WNT7B: variants seen among roughly 807,000 people sequenced by gnomAD.
WNT7B encodes the protein Wnt family member 7B.
In WNT7B, 19 loss-of-function variants were observed where a neutral mutation model predicts 38.2. That is an observed-to-expected ratio of 0.50 (90% confidence interval 0.35 to 0.73). The LOEUF (loss-of-function observed/expected upper bound fraction) is 0.73. Among genes scored for constraint, WNT7B ranks in the 30% least tolerant of loss-of-function variants. WNT7B has a pLI of 0.01. For missense variants in WNT7B, 423 were observed against 507.9 expected, an observed-to-expected ratio of 0.83 and a Z score of 1.61; for synonymous variants, 243 against 209.3, an observed-to-expected ratio of 1.16 and a Z score of -1.39.
chr22:45,941,006 T>G (rs1442976339), intron 2 of WNT7B, among the ~76,000 whole-genome samples: 1 of 152,192 alleles, frequency 6.6e-6, no homozygotes, highest in African/African-American at 2.4e-5. Flanking sequence ...GACTTTGTTC[T>G]GAAAAGATGG....
chr22:45,964,483 G>A (rs906347806), intron 1 of WNT7B, among the ~76,000 whole-genome samples: 5 of 152,166 alleles, frequency 3.3e-5, no homozygotes, highest in South Asian at 2.1e-4. Context: ...TGGAGATGGC[G>A]GAGTGATGAA....
chr22:45,972,666 G>T (rs1484262516), intron 1 of WNT7B: 2 of 152,284 alleles, frequency 1.3e-5, no homozygotes, highest in African/African-American at 4.8e-5. Flanking sequence ...CGGAGCGTGC[G>T]GTGGGAGCCG....
Position 45,922,706 on chromosome 22 carries a change from C to T in WNT7B, c.*150G>A. On this transcript the variant is annotated 3_prime_UTR_variant, in exon 4 of 4. Transcript: ENST00000339464. ...CAGGGAGGCGGGCAGAGGGCGTGGGCCCCGGCCGGTGCCCTCCTGCACCTG... is the reference window on the plus strand; with the variant it reads ...CAGGGAGGCGGGCAGAGGGCGTGGGTCCCGGCCGGTGCCCTCCTGCACCTG... The T allele has an allele frequency of 7.7e-7, 1 of 1,293,040 alleles. No homozygotes were observed. The highest frequency in any genetic ancestry group is 1.0e-6 in the Non-Finnish European group (1 of 965,040). The allele number at this position is 1,293,040 out of a possible 1,614,324, so 80.1% of individuals were successfully genotyped here. A position where few individuals can be genotyped will look rare whatever the true frequency, so the allele number is the denominator to read the frequency against.
chr22:45,926,079 C>T (rs1490707569), intron 3 of WNT7B: 1 of 985,336 alleles, frequency 1.0e-6, no homozygotes, highest in East Asian at 1.1e-4. Flanking sequence ...AGGCCCGTGA[C>T]CATCCGCAAA....
At chr22:45,932,373 A>C (rs949206602) in intron 2 of WNT7B, among the ~76,000 whole-genome samples, 3 of 151,866 alleles carry the variant, frequency 2.0e-5, no homozygotes, top group African/African-American at 7.3e-5. Flanking sequence ...AGGACCTTCC[A>C]AGGCCCGGGT....
At chr22:45,933,081 T>A (rs1931418397) in intron 2 of WNT7B, among the ~76,000 whole-genome samples, 2 of 152,168 alleles carry the variant, frequency 1.3e-5, no homozygotes, top group South Asian at 4.1e-4. Context: ...TGGGGGTCCC[T>A]CTTCCCCTAG....
In WNT7B at chr22:45,929,901, T is replaced by C. The variant is rs1409657844; in HGVS notation, c.570+1197A>G. 1.2e-4 allele frequency among the ~76,000 whole-genome samples: 10 copies of C among 85,200 alleles called. No homozygotes were observed. The East Asian group carries it at 3.5e-3, about 30-fold the overall frequency. 55.9% of individuals were successfully genotyped at this position (85,200 alleles called of 152,430 possible). A position where few individuals can be genotyped will look rare whatever the true frequency, so the allele number is the denominator to read the frequency against. The stretch of plus-strand genomic sequence containing the variant: ...CCATCTACCCACTCATCCACTCATC[T>C]ATCTACCCATCCATCTATCCTCCCA... On this transcript the variant is annotated intron_variant, in intron 3 of 3. Coordinates refer to ENST00000339464, the MANE Select transcript of WNT7B (RefSeq NM_058238.3).
At chr22:45,952,904 G>A (rs1008354988) in intron 1 of WNT7B, among the ~76,000 whole-genome samples, 6 of 152,210 alleles carry the variant, frequency 3.9e-5, no homozygotes, top group African/African-American at 1.2e-4. Flanking sequence ...GGCCTCATGG[G>A]GTCTGGCCTC....
intron 3 of WNT7B, chr22:45,925,026 G>A (rs1327648308): frequency 2.1e-6 from 2 of 970,890 alleles, no homozygotes; most frequent in African/African-American, 3.6e-5. Flanking sequence ...CAGGTGCTGG[G>A]TGGGTCCAAA....
chr22:45,955,673 T>C lies in WNT7B; in HGVS notation c.72-5527A>G, dbSNP rs112974340. On this transcript the variant is annotated intron_variant, in intron 1 of 3. Coordinates refer to ENST00000339464, the MANE Select transcript of WNT7B (RefSeq NM_058238.3). ...CCCCGGCTCATCCCCCTGCACTGAA[T>C]GGGGCCTCGGGACAGGCGAGATGCC... Among the ~76,000 whole-genome samples, 311 of 152,278 alleles carry C rather than the reference T, an allele frequency of 2.0e-3. 2 individuals are homozygous for C. Among genetic ancestry groups the C allele is most frequent in the African/African-American group, 7.1e-3 (294 of 41,562 alleles).
intron 1 of WNT7B, among the ~76,000 whole-genome samples, chr22:45,953,947 G>C (rs1396213217): frequency 1.3e-5 from 2 of 152,158 alleles, no homozygotes; most frequent in African/African-American, 4.8e-5. Flanking sequence ...TTAGACTAAA[G>C]TTTGTACACA....
At position 45,976,797 on chromosome 22, in the gene WNT7B, G is replaced by C. The variant is rs778476160; in HGVS notation, c.-43C>G. On this transcript the variant is annotated 5_prime_UTR_variant, in exon 1 of 4. Transcript: ENST00000339464. This position sits in a 1 kb window ranked among gnomAD's most constrained non-coding sequence, Gnocchi z 8.5. ...TGCGCCATAGACAGCGGCGGCCGGA[G>C]GGGACGCGCGGGCCCGGCAGGGCCG... is the stretch of plus-strand genomic sequence containing the variant. 6.4e-7 allele frequency: 1 copy of C among 1,561,416 alleles called. No individual in the cohort carries two copies. The highest frequency in any genetic ancestry group is 1.1e-5 in the South Asian group (1 of 88,154).
intron 1 of WNT7B, among the ~76,000 whole-genome samples, chr22:45,964,114 C>CCG (rs2146748012): frequency 6.6e-6 from 1 of 152,160 alleles, no homozygotes; most frequent in African/African-American, 2.4e-5. Flanking sequence ...GGACTGTGTC[C>CCG]CACAGGTCCC....
chr22:45,949,590 C>T (rs1435321148), intron 2 of WNT7B, among the ~76,000 whole-genome samples: 1 of 152,238 alleles, frequency 6.6e-6, no homozygotes, highest in Non-Finnish European at 1.5e-5. Flanking sequence ...AAGAATGGGC[C>T]CCAACCACTG....
In WNT7B at chr22:45,975,247, G is replaced by A. The variant is rs1432816917; in HGVS notation, c.71+1437C>T. 6.6e-6 allele frequency among the ~76,000 whole-genome samples: 1 copy of A among 152,162 alleles called. No individual in the cohort carries two copies. Among genetic ancestry groups the A allele is most frequent in the Non-Finnish European group, 1.5e-5 (1 of 68,008 alleles). On this transcript the variant is annotated intron_variant, in intron 1 of 3. Transcript: ENST00000339464. This position sits in a 1 kb window ranked among gnomAD's most constrained non-coding sequence, Gnocchi z 6.6. ...CTGCAGGGACAAAGCCTCATTAAGG[G>A]TTGCCATCACTTTGAGGGGCCCAGC...
chr22:45,934,996 C>T (rs543903811), intron 2 of WNT7B, among the ~76,000 whole-genome samples: 10 of 152,158 alleles, frequency 6.6e-5, no homozygotes, highest in African/African-American at 1.2e-4. Flanking sequence ...CGGGGGAGGG[C>T]CCGTTACCCC....
At chr22:45,963,010 C>T (rs568128796) in intron 1 of WNT7B, among the ~76,000 whole-genome samples, 17 of 152,198 alleles carry the variant, frequency 1.1e-4, no homozygotes, top group African/African-American at 2.4e-4. Flanking sequence ...GTCTGGGGGC[C>T]GAGCCACCAC....
At chr22:45,968,543 A>T (rs755317685) in intron 1 of WNT7B, among the ~76,000 whole-genome samples, 33 of 152,328 alleles carry the variant, frequency 2.2e-4, no homozygotes, top group South Asian at 8.3e-4. Flanking sequence ...ACCATGTTAG[A>T]AAACGGCGCA....
At chr22:45,939,186 C>A (rs973908376) in intron 2 of WNT7B, among the ~76,000 whole-genome samples, 7 of 152,174 alleles carry the variant, frequency 4.6e-5, no homozygotes, top group African/African-American at 1.2e-4. Flanking sequence ...GTGTGAGATG[C>A]TCGTGGCAGT....
Sources: allele counts gnomAD v4.1 joint callset (sites outside exome capture counted in the v4.1 genomes callset), GRCh38; gene constraint gnomAD v4.1.1; non-coding constraint Gnocchi (gnomAD v3.1); transcripts MANE v1.5; gene names NCBI Gene and HGNC (gene_info 2026-07-23, HGNC 2026-07-21).